Variants in TRIM33 observed in about 807,000 individuals in gnomAD.
TRIM33 encodes E3 ubiquitin-protein ligase TRIM33.
TRIM33 carries 20 observed loss-of-function variants against 125.4 expected under a neutral mutation model. That is an observed-to-expected ratio of 0.16 (90% CI 0.11 to 0.23). The LOEUF (loss-of-function observed/expected upper bound fraction) is 0.23, where lower values mean the gene tolerates loss of function less well. Among genes scored for constraint, TRIM33 ranks in the 10% least tolerant of loss-of-function variants. The probability of loss-of-function intolerance (pLI) is 1.00; values close to 1 mark genes in which losing one functional copy is unlikely to be tolerated. For missense variants in TRIM33, 920 were observed against 1,411.4 expected, an observed-to-expected ratio of 0.65 and a Z score of 5.58; for synonymous variants, 564 against 513.9, an observed-to-expected ratio of 1.10 and a Z score of -1.32.
intron 4 of TRIM33, among the ~76,000 whole-genome samples, chr1:114,446,861 A>G (rs1649012396): frequency 6.6e-6 from 1 of 152,174 alleles, no homozygotes; most frequent in Non-Finnish European, 1.5e-5. Flanking sequence ...GTTCGAGACC[A>G]GCCCAGGCAA....
intron 1 of TRIM33, among the ~76,000 whole-genome samples, chr1:114,497,054 A>G (rs908128797): frequency 4.6e-5 from 7 of 152,232 alleles, no homozygotes; most frequent in African/African-American, 1.4e-4. Flanking sequence ...TCTTCTTTGA[A>G]ATGATAGGTA....
intron 1 of TRIM33, among the ~76,000 whole-genome samples, chr1:114,505,054 CTTAA>C (rs1026815479): frequency 6.6e-6 from 1 of 152,204 alleles, no homozygotes; most frequent in African/African-American, 2.4e-5. Flanking sequence ...CATTAACTCT[CTTAA>C]TTCTCACAAA....
At chr1:114,420,205 G>A (rs1557853599) in intron 11 of TRIM33, among the ~76,000 whole-genome samples, 1 of 152,162 alleles carries the variant, frequency 6.6e-6, no homozygotes, top group Non-Finnish European at 1.5e-5. Flanking sequence ...CGGTTGAAAG[G>A]GGCAAAAGGC....
chr1:114,441,651 T>C lies in TRIM33; in HGVS notation c.924-7918A>G, dbSNP rs1032232459. Among the ~76,000 whole-genome samples, 65 of 152,336 alleles carry C rather than the reference T, an allele frequency of 4.3e-4. 1 individual carries two copies. The highest frequency in any genetic ancestry group is 2.1e-4 in the Non-Finnish European group (14 of 68,020). On this transcript the variant is annotated intron_variant, in intron 4 of 19. Coordinates refer to ENST00000358465, the MANE Select transcript of TRIM33 (RefSeq NM_015906.4). ...CATTTTTGCAAAGGAAAATGACCAA[T>C]TGGTTTTATTCTTTGCAATAATTTT...
intron 4 of TRIM33, among the ~76,000 whole-genome samples, chr1:114,444,749 T>C (rs1050058697): frequency 6.6e-6 from 1 of 152,222 alleles, no homozygotes; most frequent in African/African-American, 2.4e-5. Context: ...ATTTCTACAG[T>C]GTATTGTCCA....
chr1:114,438,332 A>AT (rs1401142552), intron 4 of TRIM33, among the ~76,000 whole-genome samples: 3 of 152,088 alleles, frequency 2.0e-5, no homozygotes, highest in Admixed American at 6.6e-5. Context: ...CAGTTATTCC[A>AT]TTTTTTTAAA....
In TRIM33 at chr1:114,467,827, T is replaced by C. The variant is rs17032754; in HGVS notation, c.527-3439A>G. ...TCTTTTCATTTAGCCCTAGCTTCTC[T>C]TTCCAATATTCTCAAGCAGTCACAC... On this transcript the variant is annotated intron_variant, in intron 1 of 19. Transcript: ENST00000358465. 7.6e-3 allele frequency among the ~76,000 whole-genome samples: 1,154 copies of C among 152,356 alleles called. 8 individuals are homozygous for C. Among genetic ancestry groups the C allele is most frequent in the African/African-American group, 0.025 (1,057 of 41,586 alleles).
chr1:114,397,830 C>T lies in TRIM33; in HGVS notation c.3202G>A (p.Ala1068Thr), dbSNP rs778792052. The T allele has an allele frequency of 6.2e-7, 1 of 1,613,772 alleles. No homozygotes were observed. The highest frequency in any genetic ancestry group is 1.7e-5 in the Admixed American group (1 of 59,962). Residue 1068 changes from alanine to threonine, a missense_variant, in exon 20 of 20, where the codon GCA (alanine) becomes ACA (threonine). Coordinates refer to ENST00000358465, the MANE Select transcript of TRIM33 (RefSeq NM_015906.4). ...ADSEVAQAGKAVALYFEDKLT... is the reference protein window; with the variant it reads ...ADSEVAQAGKTVALYFEDKLT... ...TTATCTTCAAAGTACAATGCAACTG[C>T]TTTCCCTGCCTGAGCTACTTCTGAA... is the stretch of plus-strand genomic sequence containing the variant.
At chr1:114,491,158 A>G (rs1033739670) in intron 1 of TRIM33, among the ~76,000 whole-genome samples, 3 of 152,218 alleles carry the variant, frequency 2.0e-5, no homozygotes, top group Non-Finnish European at 2.9e-5. Context: ...TGTGATTAAC[A>G]TATCGTTTGT....
chr1:114,419,798 A>G (rs1034143787), intron 11 of TRIM33, among the ~76,000 whole-genome samples: 1 of 152,186 alleles, frequency 6.6e-6, no homozygotes, highest in African/African-American at 2.4e-5. Context: ...GAGATGAGGG[A>G]TATGTTAATT....
chr1:114,441,244 T>C (rs560766468), intron 4 of TRIM33, among the ~76,000 whole-genome samples: 20 of 152,330 alleles, frequency 1.3e-4, no homozygotes, highest in Non-Finnish European at 5.9e-5. Context: ...TGCAGTGAGC[T>C]ATGACCACAC....
chr1:114,479,605 C>CA (rs1165011289), intron 1 of TRIM33, among the ~76,000 whole-genome samples: 3 of 151,922 alleles, frequency 2.0e-5, no homozygotes, highest in African/African-American at 4.8e-5. Flanking sequence ...ATTTGTACCA[C>CA]AAAAAATCTA....
chr1:114,505,220 A>C (rs575122041), intron 1 of TRIM33, among the ~76,000 whole-genome samples: 1 of 152,324 alleles, frequency 6.6e-6, no homozygotes, highest in East Asian at 1.9e-4. Flanking sequence ...GTATTTCAGC[A>C]ATCTTGGACA....
chr1:114,448,581 T>C (rs772292984), intron 4 of TRIM33, among the ~76,000 whole-genome samples: 1 of 152,190 alleles, frequency 6.6e-6, no homozygotes, highest in Non-Finnish European at 1.5e-5. Flanking sequence ...TAATCAGGAC[T>C]GTAGTTATGC....
intron 17 of TRIM33, 46 bp from the exon 18 acceptor site, chr1:114,399,655 A>T (rs757177477): frequency 6.8e-7 from 1 of 1,480,552 alleles, no homozygotes. Context: ...CAAAAATGCC[A>T]AACTGTTTAA....
chr1:114,478,191 G>A (rs980678855), intron 1 of TRIM33, among the ~76,000 whole-genome samples: 1 of 152,080 alleles, frequency 6.6e-6, no homozygotes, highest in Non-Finnish European at 1.5e-5. Flanking sequence ...GCTTGAGGAT[G>A]CTCCCATGGT....
At chr1:114,435,211 T>C (rs1272209675) in intron 4 of TRIM33, among the ~76,000 whole-genome samples, 3 of 152,262 alleles carry the variant, frequency 2.0e-5, no homozygotes, top group South Asian at 2.1e-4. Context: ...AAAGACCAGC[T>C]AAAACTCTAA....
At chr1:114,464,117 G>A (rs1270858254) in intron 2 of TRIM33, among the ~76,000 whole-genome samples, 153 bp downstream of exon 2, 1 of 152,098 alleles carries the variant, frequency 6.6e-6, no homozygotes, top group Non-Finnish European at 1.5e-5. Flanking sequence ...AACTAAGTTT[G>A]AGAGTATATA....
rs772677724 is a variant in TRIM33 at position 114,410,212 on chromosome 1, A to G, written c.2166T>C (p.Gly722=). ...QPTSTMNPSP[G]PSALSPGSSG... ...ATGATCCCGGAGAAAGGGCAGAGGG[A>G]CCTGGAGAAGGATTCATGGTGCTTG... Residue 722 remains glycine, a synonymous_variant, in exon 12 of 20, where the codon GGT becomes GGC. Coordinates refer to ENST00000358465, the MANE Select transcript of TRIM33 (RefSeq NM_015906.4). 5.5e-5 allele frequency: 88 copies of G among 1,613,862 alleles called. No individual in the cohort carries two copies. In the South Asian group the frequency reaches 8.3e-4, roughly 15 times the overall value.
Sources: gnomAD v4.1 joint callset for allele counts (sites outside exome capture counted in the v4.1 genomes callset) on GRCh38, gnomAD v4.1.1 for gene constraint, MANE v1.5 for transcripts, NCBI Gene and HGNC (gene_info 2026-07-23, HGNC 2026-07-21) for gene names.